PAPPA2: variants seen among roughly 807,000 people sequenced by gnomAD.
PAPPA2 encodes pappalysin 2.
In PAPPA2, 86 loss-of-function variants were observed where a neutral mutation model predicts 176.4. That is an observed-to-expected ratio of 0.49 (90% confidence interval 0.41 to 0.58). The LOEUF (loss-of-function observed/expected upper bound fraction) is 0.58, where lower values mean the gene tolerates loss of function less well. Among genes scored for constraint, PAPPA2 ranks in the 20% least tolerant of loss-of-function variants. PAPPA2 has a pLI of 0.00. For synonymous variants in PAPPA2, 809 were observed against 852.2 expected, an observed-to-expected ratio of 0.95 and a Z score of 0.88; for missense variants, 2,073 against 2,256.9, an observed-to-expected ratio of 0.92 and a Z score of 1.65.
At chr1:176,480,277 C>A (rs1461868211) in intron 1 of PAPPA2, among the ~76,000 whole-genome samples, 1 of 152,184 alleles carries the variant, frequency 6.6e-6, no homozygotes, top group Non-Finnish European at 1.5e-5. Flanking sequence ...TCCTGGGGCA[C>A]CCGAAAGGGC....
At chr1:176,709,951 C>G (rs746232937) in intron 10 of PAPPA2, 32 bp from the exon 11 acceptor site, 11 of 1,555,956 alleles carry the variant, frequency 7.1e-6, no homozygotes, top group Non-Finnish European at 9.6e-6. Context: ...TATGAAAACA[C>G]TTTTTCTGTG....
At chr1:176,729,147 A>ATATTCATG (rs1662014968) in intron 12 of PAPPA2, among the ~76,000 whole-genome samples, 1 of 151,942 alleles carries the variant, frequency 6.6e-6, no homozygotes, top group Admixed American at 6.6e-5. Flanking sequence ...AGCCTTTAAT[A>ATATTCATG]TATTCAACAT....
chr1:176,719,428 A>G (rs919804897), intron 12 of PAPPA2, among the ~76,000 whole-genome samples: 2 of 152,178 alleles, frequency 1.3e-5, no homozygotes, highest in Non-Finnish European at 2.9e-5. Context: ...CTTACATTAC[A>G]AAGCAAGCAG....
chr1:176,546,078 G>A (rs1650618782), intron 1 of PAPPA2, among the ~76,000 whole-genome samples: 1 of 152,134 alleles, frequency 6.6e-6, no homozygotes, highest in South Asian at 2.1e-4. Context: ...AATAAGTATG[G>A]ACAGGTTGTA....
intron 4 of PAPPA2, among the ~76,000 whole-genome samples, chr1:176,679,211 C>T (rs1272839168): frequency 1.3e-5 from 2 of 152,126 alleles, no homozygotes; most frequent in Non-Finnish European, 2.9e-5. Context: ...TTATCCTTGA[C>T]CCAACATTCA....
chr1:176,832,908 A>T (rs545238128), intron 21 of PAPPA2, among the ~76,000 whole-genome samples: 2 of 152,252 alleles, frequency 1.3e-5, no homozygotes, highest in East Asian at 3.9e-4. Context: ...TAAGCTGATT[A>T]TAATCAGCCT....
At chr1:176,794,981 G>T (rs1169209605) in intron 20 of PAPPA2, among the ~76,000 whole-genome samples, 1 of 152,178 alleles carries the variant, frequency 6.6e-6, no homozygotes, top group Non-Finnish European at 1.5e-5. Flanking sequence ...AGTGGGACCT[G>T]GCAGTTGCGA....
chr1:176,702,945 G>A (rs966699534), intron 9 of PAPPA2, among the ~76,000 whole-genome samples: 1 of 152,054 alleles, frequency 6.6e-6, no homozygotes, highest in Non-Finnish European at 1.5e-5. Flanking sequence ...CAGGTCTTGA[G>A]ATCTGGCATC....
At chr1:176,791,173 A>ATT (rs57185368) in intron 18 of PAPPA2, among the ~76,000 whole-genome samples, 174 bp from the exon 19 acceptor site, 1,706 of 80,848 alleles carry the variant, frequency 0.021, 234 homozygotes, top group African/African-American at 0.036. Context: ...AAAGCAAAGA[A>ATT]TTTTTTTTTT....
intron 21 of PAPPA2, among the ~76,000 whole-genome samples, chr1:176,804,907 G>A (rs1665832794): frequency 6.6e-6 from 1 of 151,002 alleles, no homozygotes; most frequent in Non-Finnish European, 1.5e-5. Context: ...GTCCAATAAA[G>A]TGTACTTTCT....
chr1:176,820,509 G>T (rs1353240385), intron 21 of PAPPA2, among the ~76,000 whole-genome samples: 2 of 152,174 alleles, frequency 1.3e-5, no homozygotes, highest in South Asian at 4.1e-4. Context: ...CACAGCCGGG[G>T]TGTTTCCTTA....
Position 176,635,661 on chromosome 1 carries a change from G to T in PAPPA2, c.1992-35309G>T, listed in dbSNP as rs527269475. ...CACTCAACTTTCCTTGTTCCCTTTG[G>T]CTTGGAAATTAATTCTTCCTGGATT... On this transcript the variant is annotated intron_variant, in intron 3 of 22. Transcript: ENST00000367662. 2.2e-4 allele frequency among the ~76,000 whole-genome samples: 34 copies of T among 151,668 alleles called. 1 individual carries two copies. Among genetic ancestry groups the T allele is most frequent in the African/African-American group, 8.0e-4 (33 of 41,342 alleles).
At chr1:176,689,435 C>T (rs566021485) in intron 4 of PAPPA2, among the ~76,000 whole-genome samples, 28 of 152,292 alleles carry the variant, frequency 1.8e-4, no homozygotes, top group African/African-American at 6.7e-4. Context: ...TTGTGACATT[C>T]TCAATTTTGT....
At chr1:176,675,129 A>G (rs928414583) in intron 4 of PAPPA2, among the ~76,000 whole-genome samples, 3 of 151,866 alleles carry the variant, frequency 2.0e-5, no homozygotes, top group African/African-American at 7.3e-5. Flanking sequence ...TAGAATTTTT[A>G]TGTTTCCTCC....
chr1:176,739,630 G>A lies in PAPPA2; in HGVS notation c.3803G>A (p.Cys1268Tyr). ...KKEDEVWLKV[C>Y]FNRPGEARAI... Reference sequence around the variant, plus strand: ...CATAAATGTGCTTATGCTTAGGTGTGTTTCAATAGACCAGGAGAGGCCAGA... The same window carrying A: ...CATAAATGTGCTTATGCTTAGGTGTATTTCAATAGACCAGGAGAGGCCAGA... The change falls in exon 13 of 23, where the codon TGT becomes TAT. Residue 1268 changes from cysteine (C) to tyrosine (Y), a missense_variant. Coordinates refer to ENST00000367662, the MANE Select transcript of PAPPA2 (RefSeq NM_020318.3). 1 of 1,612,972 alleles carries A rather than the reference G, an allele frequency of 6.2e-7. No individual in the cohort carries two copies. The highest frequency in any genetic ancestry group is 8.5e-7 in the Non-Finnish European group (1 of 1,179,258).
chr1:176,831,407 T>G (rs12134440), intron 21 of PAPPA2, among the ~76,000 whole-genome samples: 14,660 of 152,266 alleles, frequency 0.096, 838 homozygotes, highest in African/African-American at 0.15. Context: ...TAGGGCCCTG[T>G]GCAGGGATGT....
chr1:176,700,009 C>T (rs1008724816), intron 8 of PAPPA2, among the ~76,000 whole-genome samples: 2 of 152,170 alleles, frequency 1.3e-5, no homozygotes, highest in African/African-American at 4.8e-5. Context: ...AGGCCGAGGG[C>T]CTGGCAGACC....
chr1:176,814,793 T>A (rs1219318812), intron 21 of PAPPA2, among the ~76,000 whole-genome samples: 1 of 152,248 alleles, frequency 6.6e-6, no homozygotes, highest in Non-Finnish European at 1.5e-5. Context: ...CTTGCCTGAT[T>A]GCCCTGGCCA....
intron 10 of PAPPA2, among the ~76,000 whole-genome samples, chr1:176,708,733 G>A (rs1660999418): frequency 6.6e-6 from 1 of 152,044 alleles, no homozygotes; most frequent in African/African-American, 2.4e-5. Context: ...GGTCTTAGAG[G>A]AAATTGTTAA....
Sources: gnomAD v4.1 joint callset for allele counts (sites outside exome capture counted in the v4.1 genomes callset) on GRCh38, gnomAD v4.1.1 for gene constraint, MANE v1.5 for transcripts, NCBI Gene and HGNC (gene_info 2026-07-23, HGNC 2026-07-21) for gene names.